The following ADGRG5 variants were observed in gnomAD, a reference collection of about 807,000 sequenced individuals.
The protein encoded by ADGRG5 is adhesion G protein-coupled receptor G5, also known as G protein-coupled receptor 114.
A neutral mutation model predicts 53.2 loss-of-function variants in ADGRG5; 37 were observed. The observed-to-expected ratio is 0.70, with a 90% CI of 0.53 to 0.91. The LOEUF (loss-of-function observed/expected upper bound fraction) is 0.91. Among genes scored for constraint, ADGRG5 ranks in the 40% least tolerant of loss-of-function variants. The pLI, the probability that ADGRG5 is intolerant of heterozygous loss-of-function variation, is 0.00. For synonymous variants in ADGRG5, 277 were observed against 290.4 expected (o/e 0.95, Z 0.47); for missense variants, 614 against 675.8 (o/e 0.91, Z 1.01).
the ADGRG5 span, among the ~76,000 whole-genome samples, chr16:57,535,405 A>G: frequency 6.6e-6 from 1 of 152,072 alleles, no homozygotes; most frequent in African/African-American, 2.4e-5. Flanking sequence ...ATATGGACCA[A>G]CTGAGGCCCA....
In ADGRG5 at chr16:57,563,912, C is replaced by T; in HGVS notation, c.362C>T (p.Ala121Val). ...TTCCCCGCCGAGCTGACCCGGGACG[C>T]CTGCAAGACCCGCCCCAGGGAGCTG... Reference protein sequence around the residue: ...MQFPAELTRDACKTRPRELRL... With the variant: ...MQFPAELTRDVCKTRPRELRL... The change falls in exon 5 of 12, where the codon GCC (alanine) becomes GTC (valine). Residue 121 changes from alanine to valine, a missense_variant. Physicochemically the swap from Ala to Val is moderately conservative, Grantham distance 64. Transcript: ENST00000349457. 1 of 1,614,098 alleles carries T rather than the reference C, an allele frequency of 6.2e-7. No homozygotes were observed. Among genetic ancestry groups the T allele is most frequent in the South Asian group, 1.1e-5 (1 of 91,082 alleles).
At position 57,571,793 on chromosome 16, in the gene ADGRG5, T is replaced by C. The variant is rs1321347044; in HGVS notation, c.1208+1258T>C. 5.3e-5 allele frequency among the ~76,000 whole-genome samples: 8 copies of C among 151,870 alleles called. No homozygotes were observed. The East Asian group carries it at 9.7e-4, about 18-fold the overall frequency. ...GTGAGTAGCTGGGATTACAGGCGCGTGCCACCACGCTCAGTTAATTTTTGT... is the reference window on the plus strand; with the variant it reads ...GTGAGTAGCTGGGATTACAGGCGCGCGCCACCACGCTCAGTTAATTTTTGT... On this transcript the variant is annotated intron_variant, in intron 10 of 11. Transcript: ENST00000349457.
intron 3 of ADGRG5, chr16:57,562,710 C>T: frequency 1.8e-6 from 1 of 551,430 alleles, no homozygotes. Flanking sequence ...CATGCATTTT[C>T]CTGGGAAGGG....
chr16:57,547,514 G>A (rs1471378749), intron 1 of ADGRG5, among the ~76,000 whole-genome samples: 1 of 152,008 alleles, frequency 6.6e-6, no homozygotes, highest in Non-Finnish European at 1.5e-5. Flanking sequence ...GCGCGATCTC[G>A]GCTCACTGCA....
intron 8 of ADGRG5, 46 bp from the exon 9 acceptor site, chr16:57,567,810 C>A: frequency 6.3e-7 from 1 of 1,579,314 alleles, no homozygotes; most frequent in East Asian, 2.3e-5. Context: ...GTAGTGCTGC[C>A]TGGGTGATGT....
chr16:57,560,990 G>C (rs1314456458), intron 1 of ADGRG5, among the ~76,000 whole-genome samples: 1 of 152,100 alleles, frequency 6.6e-6, no homozygotes, highest in Non-Finnish European at 1.5e-5. Flanking sequence ...TGTTGCCCAG[G>C]CTGGTCTGGA....
At chr16:57,570,363 G>T in intron 9 of ADGRG5, 55 bp from the exon 10 acceptor site, 1 of 1,192,390 alleles carries the variant, frequency 8.4e-7, no homozygotes, top group Non-Finnish European at 1.2e-6. Flanking sequence ...GACCGCCCCA[G>T]GGACCGAGGG....
At chr16:57,537,448 T>G in the ADGRG5 span, among the ~76,000 whole-genome samples, 1 of 152,220 alleles carries the variant, frequency 6.6e-6, no homozygotes, top group Admixed American at 6.5e-5. Context: ...TAACGGAGTT[T>G]AGATTATGAT....
At chr16:57,562,559 T>C (rs1344752741) in intron 3 of ADGRG5, 100 bp downstream of exon 3, 1 of 753,242 alleles carries the variant, frequency 1.3e-6, no homozygotes, top group African/African-American at 1.8e-5. Flanking sequence ...TCAGCACTTT[T>C]ATTGAGCACC....
At chr16:57,568,202 C>T (rs1335856186) in intron 9 of ADGRG5, 78 bp downstream of exon 9, 56 of 1,447,820 alleles carry the variant, frequency 3.9e-5, no homozygotes, top group Non-Finnish European at 5.3e-5. Context: ...CTTTCTTTCC[C>T]CTCCTCCTCA....
In ADGRG5 at chr16:57,575,854, T is replaced by C. The variant is rs1379103210; in HGVS notation, c.*316T>C. 2.9e-6 allele frequency: 1 copy of C among 341,890 alleles called. No homozygotes were observed. Among genetic ancestry groups the C allele is most frequent in the African/African-American group, 2.1e-5 (1 of 48,396 alleles). 21.2% of individuals were successfully genotyped at this position (341,890 alleles called of 1,614,324 possible). A position where few individuals can be genotyped will look rare whatever the true frequency, so the allele number is the denominator to read the frequency against. On this transcript the variant is annotated 3_prime_UTR_variant, in exon 12 of 12. Transcript: ENST00000349457. ...TCAGGAAGCCAAGTTTCAAGGACTG[T>C]CTTTGAGTCTGTCTGTATGACCTTG...
At chr16:57,551,905 T>TG (rs1286850317) in intron 1 of ADGRG5, among the ~76,000 whole-genome samples, 4 of 152,238 alleles carry the variant, frequency 2.6e-5, no homozygotes, top group African/African-American at 9.6e-5. Flanking sequence ...CCTTGATCCA[T>TG]GGGCTGCAGA....
intron 1 of ADGRG5, among the ~76,000 whole-genome samples, chr16:57,559,490 G>A (rs1237348336): frequency 1.3e-5 from 2 of 152,218 alleles, no homozygotes; most frequent in Non-Finnish European, 2.9e-5. Flanking sequence ...ACTGTAGGAA[G>A]AAACTGAGGG....
chr16:57,541,974 A>G (rs1046043625), upstream of ADGRG5, among the ~76,000 whole-genome samples: 1 of 152,116 alleles, frequency 6.6e-6, no homozygotes, highest in African/African-American at 2.4e-5. Context: ...GGCCAGGCCC[A>G]GGTCCTCTCT....
At position 57,562,426 on chromosome 16, in the gene ADGRG5, T is replaced by G; in HGVS notation, c.107T>G (p.Val36Gly). ...CTGAGCTACATGGAGAATATGCAGG[T>G]GTCCAGGGGCCGGAGCTCAGTTTTT... ...ELLSYMENMQ[V>G]SRGRSSVFSS... is the part of the protein sequence containing the mutation. Residue 36 changes from valine (V) to glycine (G), a missense_variant, in exon 3 of 12, where the codon GTG becomes GGG. Val to Gly is a moderately radical substitution (Grantham distance 109). Transcript: ENST00000349457. The G allele has an allele frequency of 6.2e-7, 1 of 1,606,694 alleles. No individual in the cohort carries two copies. Among genetic ancestry groups the G allele is most frequent in the Non-Finnish European group, 8.5e-7 (1 of 1,177,204 alleles).
chr16:57,551,444 G>T (rs1056970970), intron 1 of ADGRG5, among the ~76,000 whole-genome samples: 1 of 152,100 alleles, frequency 6.6e-6, no homozygotes, highest in African/African-American at 2.4e-5. Flanking sequence ...ATCTTTTGTT[G>T]TCATTTCCAC....
At chr16:57,550,966 G>A (rs534777456) in intron 1 of ADGRG5, among the ~76,000 whole-genome samples, 3 of 152,288 alleles carry the variant, frequency 2.0e-5, no homozygotes, top group East Asian at 1.9e-4. Flanking sequence ...AGGTGGAGGC[G>A]GAGGTTGCAG....
intron 3 of ADGRG5, 164 bp downstream of exon 3, chr16:57,562,623 C>G: frequency 1.7e-6 from 1 of 592,772 alleles, no homozygotes; most frequent in Non-Finnish European, 3.0e-6. Context: ...TGTCACTGCC[C>G]TCATGAAGTT....
intron 1 of ADGRG5, among the ~76,000 whole-genome samples, chr16:57,554,437 C>T (rs190426772): frequency 3.3e-5 from 5 of 151,012 alleles, no homozygotes; most frequent in Admixed American, 2.6e-4. Flanking sequence ...AGTGCAGTGG[C>T]GCAATCTCAG....
Sources: gnomAD v4.1 joint callset for allele counts (sites outside exome capture counted in the v4.1 genomes callset) on GRCh38, gnomAD v4.1.1 for gene constraint, MANE v1.5 for transcripts, NCBI Gene and HGNC (gene_info 2026-07-23, HGNC 2026-07-21) for gene names.